Variants in CDH4 observed in about 807,000 individuals in gnomAD.
CDH4 encodes the protein cadherin-4.
CDH4 carries 33 observed loss-of-function variants against 86.0 expected under a neutral mutation model. The observed-to-expected ratio is 0.38, with a 90% CI of 0.29 to 0.51. The LOEUF is 0.51. CDH4 is among the 20% of genes least tolerant of loss of function. The pLI is 0.86. For missense variants in CDH4, 1,114 were observed against 1,307.4 expected (o/e 0.85, Z 2.28); for synonymous variants, 555 against 549.4 (o/e 1.01, Z -0.14).
intron 2 of CDH4, among the ~76,000 whole-genome samples, chr20:61,429,689 G>T (rs1361678313): frequency 2.6e-5 from 4 of 151,684 alleles, no homozygotes; most frequent in Non-Finnish European, 5.9e-5. Context: ...GTGGATAGAT[G>T]GGTGGATGGA....
intron 2 of CDH4, among the ~76,000 whole-genome samples, chr20:61,601,502 C>T (rs534807841): frequency 2.0e-5 from 3 of 152,192 alleles, no homozygotes; most frequent in African/African-American, 4.8e-5. Flanking sequence ...CCCAACACTG[C>T]GGTGCTCCTC....
intron 4 of CDH4, among the ~76,000 whole-genome samples, chr20:61,830,994 G>T (rs558746247): frequency 2.0e-4 from 31 of 152,268 alleles, no homozygotes; most frequent in African/African-American, 7.5e-4. Flanking sequence ...TGAAGGCCTC[G>T]AGGGCAGGGA....
At chr20:61,479,448 G>A (rs540419441) in intron 2 of CDH4, among the ~76,000 whole-genome samples, 9 of 151,808 alleles carry the variant, frequency 5.9e-5, no homozygotes, top group Admixed American at 2.0e-4. Context: ...GAGAACATGC[G>A]GTGTTTGGTT....
Position 61,554,897 on chromosome 20 carries a change from A to G in CDH4, c.170-188666A>G, listed in dbSNP as rs190966319. On this transcript the variant is annotated intron_variant, in intron 2 of 15. Transcript: ENST00000614565. Reference sequence around the variant, plus strand: ...CTGAGTAAGCTCACGTTTTACATGTATGTGTGCAGACATGTACATGTGTGC... The same window carrying G: ...CTGAGTAAGCTCACGTTTTACATGTGTGTGTGCAGACATGTACATGTGTGC... Among the ~76,000 whole-genome samples the G allele has an allele frequency of 3.1e-3, 475 of 152,324 alleles. 4 individuals are homozygous for G. The highest frequency in any genetic ancestry group is 0.015 in the Admixed American group (232 of 15,306).
chr20:61,431,359 G>GTTTTTTT (rs34959436), intron 2 of CDH4, among the ~76,000 whole-genome samples: 1 of 129,982 alleles, frequency 7.7e-6, no homozygotes, highest in Non-Finnish European at 1.6e-5. Flanking sequence ...TTTTTTGTTG[G>GTTTTTTT]TTTTTTTTTT....
chr20:61,421,254 G>A (rs2085176371), intron 2 of CDH4, among the ~76,000 whole-genome samples: 1 of 152,186 alleles, frequency 6.6e-6, no homozygotes, highest in African/African-American at 2.4e-5. Context: ...ACTCAGAGTA[G>A]ATTCTTTCCT....
intron 9 of CDH4, among the ~76,000 whole-genome samples, chr20:61,916,833 C>A (rs1370643857): frequency 6.6e-6 from 1 of 152,378 alleles, no homozygotes; most frequent in East Asian, 1.9e-4. Flanking sequence ...GCAGTGTGCT[C>A]TTTCCTTCTC....
intron 6 of CDH4, among the ~76,000 whole-genome samples, chr20:61,858,477 G>A (rs1983166967): frequency 6.6e-6 from 1 of 151,032 alleles, no homozygotes. Context: ...CTCTGTGTCT[G>A]TGTCTCTGTG....
At chr20:61,257,464 G>A (rs892187456) in intron 2 of CDH4, among the ~76,000 whole-genome samples, 8 of 152,234 alleles carry the variant, frequency 5.3e-5, no homozygotes, top group African/African-American at 1.4e-4. Flanking sequence ...AAGCGGAGCC[G>A]CGAAGTATGG....
intron 8 of CDH4, 76 bp from the exon 9 acceptor site, chr20:61,910,345 AC>A (rs1173146707): frequency 2.2e-5 from 28 of 1,295,368 alleles, no homozygotes; most frequent in Non-Finnish European, 3.1e-5. Flanking sequence ...GTTGAGCTGC[AC>A]ATATGCTACG....
At chr20:61,430,072 C>T (rs892600725) in intron 2 of CDH4, among the ~76,000 whole-genome samples, 1 of 152,228 alleles carries the variant, frequency 6.6e-6, no homozygotes, top group African/African-American at 2.4e-5. Context: ...TCTGGACACC[C>T]TGAATTTCCA....
In CDH4 at chr20:61,852,873, C is replaced by T; in HGVS notation, c.852C>T (p.Gly284=). 2 of 1,613,958 alleles carry T rather than the reference C, an allele frequency of 1.2e-6. No individual in the cohort carries two copies. The highest frequency in any genetic ancestry group is 8.5e-7 in the Non-Finnish European group (1 of 1,179,924). The part of the protein sequence containing the change: ...RPEFINQVYN[G]SVDEGSKPGT... ...AGTTCATCAACCAGGTCTACAACGGCTCCGTGGACGAGGGCTCCAAGCCAG... is the reference window on the plus strand; with the variant it reads ...AGTTCATCAACCAGGTCTACAACGGTTCCGTGGACGAGGGCTCCAAGCCAG... The change falls in exon 6 of 16, where the codon GGC becomes GGT. Residue 284 remains glycine (G), a synonymous_variant. Transcript: ENST00000614565.
intron 2 of CDH4, among the ~76,000 whole-genome samples, chr20:61,716,561 G>C (rs2087957053): frequency 6.6e-6 from 1 of 152,218 alleles, no homozygotes; most frequent in East Asian, 1.9e-4. Flanking sequence ...CTACAGAATA[G>C]TGCAGGCTTG....
intron 2 of CDH4, among the ~76,000 whole-genome samples, chr20:61,261,771 A>G (rs575651816): frequency 1.3e-5 from 2 of 152,356 alleles, no homozygotes; most frequent in South Asian, 2.1e-4. Context: ...GCACACAGGT[A>G]TGTGCAGTAA....
intron 2 of CDH4, among the ~76,000 whole-genome samples, chr20:61,446,662 C>T (rs1265581382): frequency 2.0e-5 from 3 of 152,154 alleles, no homozygotes; most frequent in African/African-American, 7.2e-5. Context: ...GGTTGACTCC[C>T]AGGACTGAAG....
At chr20:61,515,788 CTTTTTTTGTTCTTGT>C (rs945988814) in intron 2 of CDH4, among the ~76,000 whole-genome samples, 2 of 152,182 alleles carry the variant, frequency 1.3e-5, no homozygotes, top group African/African-American at 4.8e-5. Context: ...TCACGTCTGG[CTTTTTTTGTTCTTGT>C]CGGAAATCTA....
At position 61,851,050 on chromosome 20, in the gene CDH4, A is replaced by G. The variant is rs1030994089; in HGVS notation, c.733-1704A>G. Among the ~76,000 whole-genome samples, 6 of 152,356 alleles carry G rather than the reference A, an allele frequency of 3.9e-5. No homozygotes were observed. In the East Asian group the frequency reaches 7.7e-4, roughly 20 times the overall value. Reference sequence around the variant, plus strand: ...TGTGACCTCTGGGCGTGTGGGAAACACATCCATAGCAGGACGGAGCTGCAG... The same window carrying G: ...TGTGACCTCTGGGCGTGTGGGAAACGCATCCATAGCAGGACGGAGCTGCAG... On this transcript the variant is annotated intron_variant, in intron 5 of 15. Coordinates refer to ENST00000614565, the MANE Select transcript of CDH4 (RefSeq NM_001794.5).
chr20:61,867,027 G>C (rs547601128), intron 6 of CDH4, among the ~76,000 whole-genome samples: 1 of 152,192 alleles, frequency 6.6e-6, no homozygotes, highest in African/African-American at 2.4e-5. Flanking sequence ...TAAGAGCAGC[G>C]TCCATCCTCA....
chr20:61,866,567 G>A (rs1037723588), intron 6 of CDH4, among the ~76,000 whole-genome samples: 2 of 152,152 alleles, frequency 1.3e-5, no homozygotes, highest in Non-Finnish European at 2.9e-5. Flanking sequence ...CAATAATAAA[G>A]TTGGTTTTAA....
Sources: gnomAD v4.1 joint callset for allele counts (sites outside exome capture counted in the v4.1 genomes callset) on GRCh38, gnomAD v4.1.1 for gene constraint, MANE v1.5 for transcripts, NCBI Gene and HGNC (gene_info 2026-07-23, HGNC 2026-07-21) for gene names.